The following MSRA variants were observed in gnomAD, a reference collection of about 807,000 sequenced individuals.
MSRA encodes mitochondrial peptide methionine sulfoxide reductase.
In MSRA, 54 loss-of-function variants were observed where a neutral mutation model predicts 31.3. That is an observed-to-expected ratio of 1.73 (90% confidence interval 1.39 to 2.17). The LOEUF is 2.17. Among genes scored for constraint, MSRA ranks in the 30% most tolerant of loss-of-function variants. The pLI is 0.00. For synonymous variants in MSRA, 169 were observed against 116.5 expected, an observed-to-expected ratio of 1.45 and a Z score of -2.90; for missense variants, 507 against 300.9, an observed-to-expected ratio of 1.69 and a Z score of -5.07.
intron 5 of MSRA, among the ~76,000 whole-genome samples, chr8:10,425,497 C>T (rs987082397): frequency 5.9e-5 from 9 of 152,238 alleles, no homozygotes; most frequent in African/African-American, 2.2e-4. Flanking sequence ...GGACCCACTT[C>T]CTCCCACGCT....
intron 1 of MSRA, among the ~76,000 whole-genome samples, chr8:10,195,867 C>A (rs1195595340): frequency 6.6e-6 from 1 of 152,186 alleles, no homozygotes; most frequent in Non-Finnish European, 1.5e-5. Flanking sequence ...TTTTCACGAA[C>A]GAATAGCAGC....
chr8:10,290,572 G>A (rs572819641), intron 3 of MSRA, among the ~76,000 whole-genome samples: 11 of 152,136 alleles, frequency 7.2e-5, no homozygotes, highest in Non-Finnish European at 1.5e-4. Context: ...CATATGCCAG[G>A]CCTGCCCCCA....
intron 5 of MSRA, among the ~76,000 whole-genome samples, chr8:10,426,938 T>C (rs1361217682): frequency 6.6e-6 from 1 of 152,178 alleles, no homozygotes; most frequent in South Asian, 2.1e-4. Flanking sequence ...CCACCCGTCT[T>C]GGCGGGGACC....
At chr8:10,197,013 T>A (rs1808054364) in intron 1 of MSRA, among the ~76,000 whole-genome samples, 1 of 152,222 alleles carries the variant, frequency 6.6e-6, no homozygotes, top group Non-Finnish European at 1.5e-5. Context: ...ACAAATTCCT[T>A]TTGGTCTATA....
chr8:10,116,077 C>G (rs933457398), intron 1 of MSRA, among the ~76,000 whole-genome samples: 1 of 152,114 alleles, frequency 6.6e-6, no homozygotes, highest in South Asian at 2.1e-4. Flanking sequence ...GCTTGGCGGT[C>G]TGCCCTCATG....
At chr8:10,296,917 C>T (rs1800575653) in intron 3 of MSRA, among the ~76,000 whole-genome samples, 1 of 152,216 alleles carries the variant, frequency 6.6e-6, no homozygotes, top group South Asian at 2.1e-4. Context: ...GCTCTCTCTT[C>T]TGTTCTTATG....
At chr8:10,155,132 C>A (rs914756541) in intron 1 of MSRA, among the ~76,000 whole-genome samples, 4 of 151,936 alleles carry the variant, frequency 2.6e-5, no homozygotes, top group African/African-American at 9.7e-5. Flanking sequence ...TATACTCACA[C>A]CACATATAGT....
intron 1 of MSRA, among the ~76,000 whole-genome samples, chr8:10,076,562 A>G (rs945418794): frequency 7.9e-5 from 12 of 152,204 alleles, no homozygotes; most frequent in Non-Finnish European, 1.2e-4. Context: ...CGCAGCTTCC[A>G]TTCCCATCGC....
chr8:10,316,160 G>A (rs555318263), intron 4 of MSRA, among the ~76,000 whole-genome samples: 194 of 151,818 alleles, frequency 1.3e-3, no homozygotes, highest in Admixed American at 3.6e-3. Context: ...GATAGTGACC[G>A]TATTGTGTGG....
chr8:10,280,381 G>A (rs2952245), intron 3 of MSRA, among the ~76,000 whole-genome samples: 101,258 of 150,988 alleles, frequency 0.67, 34,120 homozygotes, highest in Admixed American at 0.74. Flanking sequence ...TCAAGTTATA[G>A]ATTTCTATTG....
chr8:10,126,518 C>T (rs1354297401), intron 1 of MSRA, among the ~76,000 whole-genome samples: 1 of 151,964 alleles, frequency 6.6e-6, no homozygotes, highest in East Asian at 1.9e-4. Context: ...TTCTTTCTTT[C>T]TTTCTTTTTT....
At chr8:10,218,430 C>A (rs1453800916) in intron 2 of MSRA, among the ~76,000 whole-genome samples, 2 of 152,156 alleles carry the variant, frequency 1.3e-5, no homozygotes, top group Non-Finnish European at 2.9e-5. Context: ...CAGGTGTGAG[C>A]CACTGCGCCC....
chr8:10,405,929 C>T (rs148886399), intron 5 of MSRA, among the ~76,000 whole-genome samples: 34 of 152,388 alleles, frequency 2.2e-4, no homozygotes, highest in African/African-American at 7.7e-4. Context: ...CACACATGCT[C>T]ACATGTGCTC....
intron 5 of MSRA, chr8:10,411,091 C>G (rs923666562): frequency 6.6e-6 from 1 of 152,122 alleles, no homozygotes; most frequent in African/African-American, 2.4e-5. Context: ...TCCATCTGAC[C>G]TCCACTCAGG....
At chr8:10,209,106 A>G (rs1809260878) in intron 2 of MSRA, among the ~76,000 whole-genome samples, 1 of 152,212 alleles carries the variant, frequency 6.6e-6, no homozygotes, top group Non-Finnish European at 1.5e-5. Context: ...ATGAGAAATC[A>G]TTATGCCCAG....
chr8:10,119,902 C>A (rs1276331604), intron 1 of MSRA, among the ~76,000 whole-genome samples: 7 of 152,144 alleles, frequency 4.6e-5, no homozygotes, highest in Non-Finnish European at 8.8e-5. Flanking sequence ...TAAGAGAAAC[C>A]AACAAGAGCT....
chr8:10,196,821 C>G (rs1285917519), intron 1 of MSRA, among the ~76,000 whole-genome samples: 1 of 152,108 alleles, frequency 6.6e-6, no homozygotes, highest in African/African-American at 2.4e-5. Context: ...ATCCGTCCAC[C>G]TCGGCCTCCC....
At chr8:10,347,510 AT>A (rs1302981678) in intron 5 of MSRA, among the ~76,000 whole-genome samples, 5 of 151,970 alleles carry the variant, frequency 3.3e-5, no homozygotes, top group African/African-American at 9.7e-5. Context: ...CATCTCTTGC[AT>A]TTCTGTCCCA....
intron 3 of MSRA, chr8:10,250,518 G>T (rs1412835289): frequency 1.4e-6 from 1 of 698,192 alleles, no homozygotes; most frequent in Non-Finnish European, 2.6e-6. Context: ...GAAAGGAGCT[G>T]CACAACTTTT....
Sources: gnomAD v4.1 joint callset for allele counts (sites outside exome capture counted in the v4.1 genomes callset) on GRCh38, gnomAD v4.1.1 for gene constraint, MANE v1.5 for transcripts, NCBI Gene and HGNC (gene_info 2026-07-23, HGNC 2026-07-21) for gene names.